The following SP3 variants were observed in gnomAD, a reference collection of about 807,000 sequenced individuals.
The protein encoded by SP3 is transcription factor Sp3.
A neutral mutation model predicts 70.3 loss-of-function variants in SP3; 10 were observed. The observed-to-expected ratio is 0.14, with a 90% CI of 0.09 to 0.24. The LOEUF is 0.24. Ranked by LOEUF, SP3 falls within the 10% of genes least tolerant of loss-of-function variation. The pLI, the probability that SP3 is intolerant of heterozygous loss-of-function variation, is 1.00. For synonymous variants in SP3, 402 were observed against 333.5 expected (o/e 1.21, Z -2.24); for missense variants, 825 against 914.6 (o/e 0.90, Z 1.26).
intron 4 of SP3, among the ~76,000 whole-genome samples, chr2:173,940,013 A>ATAG (rs1345514859): frequency 6.6e-6 from 1 of 151,934 alleles, no homozygotes; most frequent in African/African-American, 2.4e-5. Context: ...AGACAGGACT[A>ATAG]TGGGCACACA....
chr2:173,933,657 T>C (rs921219001), intron 4 of SP3, among the ~76,000 whole-genome samples: 2 of 141,924 alleles, frequency 1.4e-5, no homozygotes, highest in Admixed American at 1.4e-4. Flanking sequence ...TATATATATA[T>C]ATATATATAT....
rs764298714 is a variant in SP3 at position 173,955,397 on chromosome 2, T to A, written c.1115A>T (p.Tyr372Phe). ...CTCTTCAGAAACAGGCGACTGGATA[T>A]AATTTCCCTGAAGATCTGAAGAATG... ...QVHSSDLQGN[Y>F]IQSPVSEETQ... Residue 372 changes from tyrosine (Y) to phenylalanine (F), a missense_variant, in exon 4 of 7, where the codon TAT becomes TTT. This residue lies in a region of SP3 where 678 missense variants were observed against 651.6 expected (regional missense o/e 1.04). Transcript: ENST00000310015. 5.0e-6 allele frequency: 8 copies of A among 1,614,096 alleles called. No individual in the cohort carries two copies. In the Admixed American group the frequency reaches 1.3e-4, roughly 27 times the overall value.
chr2:173,929,311 C>G (rs1690003803), intron 4 of SP3, among the ~76,000 whole-genome samples: 1 of 152,164 alleles, frequency 6.6e-6, no homozygotes, highest in African/African-American at 2.4e-5. Flanking sequence ...AATATTTATT[C>G]TTCCCACATG....
At chr2:173,947,562 G>A (rs1278655877) in intron 4 of SP3, among the ~76,000 whole-genome samples, 1 of 152,052 alleles carries the variant, frequency 6.6e-6, no homozygotes, top group Non-Finnish European at 1.5e-5. Flanking sequence ...TTGTTTTTCC[G>A]TATTTATTGT....
At chr2:173,938,192 C>CAA (rs1344384292) in intron 4 of SP3, among the ~76,000 whole-genome samples, 4 of 152,194 alleles carry the variant, frequency 2.6e-5, no homozygotes, top group Admixed American at 1.3e-4. Context: ...CACATCTGAA[C>CAA]AAAGTTATAA....
chr2:173,934,058 C>T (rs889428015), intron 4 of SP3, among the ~76,000 whole-genome samples: 2 of 151,664 alleles, frequency 1.3e-5, no homozygotes, highest in African/African-American at 4.8e-5. Context: ...ATAGTGAGAC[C>T]CCATCATTAC....
intron 4 of SP3, among the ~76,000 whole-genome samples, chr2:173,923,489 C>T (rs1689817274): frequency 6.6e-6 from 1 of 152,046 alleles, no homozygotes; most frequent in Non-Finnish European, 1.5e-5. Context: ...TCCTAAATAC[C>T]TCTTCCTAAA....
rs1689345950 is a variant in SP3 at position 173,907,033 on chromosome 2, C to CT, written c.*2907dup. On this transcript the variant is annotated 3_prime_UTR_variant, in exon 7 of 7. Transcript: ENST00000310015. Reference sequence around the variant, plus strand: ...AAGACCAAAGTTATTTACAGGGCATCTGACTTTCTGCGGTAGGTGTAGCTC... The same window carrying CT: ...AAGACCAAAGTTATTTACAGGGCATCTTGACTTTCTGCGGTAGGTGTAGCTC... 6.6e-6 allele frequency: 1 copy of CT among 152,186 alleles called. No homozygotes were observed. The highest frequency in any genetic ancestry group is 1.5e-5 in the Non-Finnish European group (1 of 68,018). 9.4% of individuals were successfully genotyped at this position (152,186 alleles called of 1,614,324 possible).
At chr2:173,948,730 G>C (rs7558325) in intron 4 of SP3, among the ~76,000 whole-genome samples, 1 of 151,764 alleles carries the variant, frequency 6.6e-6, no homozygotes, top group South Asian at 2.1e-4. Context: ...TATTACTTTT[G>C]TAAGCAAATC....
At position 173,909,083 on chromosome 2, in the gene SP3, G is replaced by C. The variant is rs762926431; in HGVS notation, c.*858C>G. ...AAGGCCCTGGGAGACATGGTTTTTG[G>C]AAACAAGATTGGATAAAAATCACTG... On this transcript the variant is annotated 3_prime_UTR_variant, in exon 7 of 7. Coordinates refer to ENST00000310015, the MANE Select transcript of SP3 (RefSeq NM_003111.5). The C allele has an allele frequency of 6.6e-6, 1 of 152,464 alleles. No homozygotes were observed. Among genetic ancestry groups the C allele is most frequent in the South Asian group, 2.1e-4 (1 of 4,832 alleles). The allele number at this position is 152,464 out of a possible 1,614,324, so 9.4% of individuals were successfully genotyped here.
chr2:173,953,134 G>A (rs901051052), intron 4 of SP3, among the ~76,000 whole-genome samples: 12 of 152,164 alleles, frequency 7.9e-5, no homozygotes, highest in African/African-American at 1.9e-4. Context: ...CTGGTTCATC[G>A]AGGTCATTCT....
intron 4 of SP3, among the ~76,000 whole-genome samples, chr2:173,941,849 TTC>T (rs1272475939): frequency 6.6e-6 from 1 of 152,240 alleles, no homozygotes; most frequent in African/African-American, 2.4e-5. Flanking sequence ...GCAGTGTCAT[TTC>T]TGTTACAGTC....
chr2:173,933,116 G>A (rs1690110727), intron 4 of SP3, among the ~76,000 whole-genome samples: 1 of 152,156 alleles, frequency 6.6e-6, no homozygotes, highest in Non-Finnish European at 1.5e-5. Flanking sequence ...TTGCTCAAAT[G>A]CGAGGTTGCC....
At chr2:173,926,942 C>T (rs2105467851) in intron 4 of SP3, among the ~76,000 whole-genome samples, 1 of 152,260 alleles carries the variant, frequency 6.6e-6, no homozygotes, top group East Asian at 1.9e-4. Context: ...TTAATTGGCT[C>T]ATGGTTCTGC....
chr2:173,920,455 T>G (rs192577596), intron 4 of SP3, among the ~76,000 whole-genome samples: 2 of 152,216 alleles, frequency 1.3e-5, no homozygotes, highest in Admixed American at 6.5e-5. Flanking sequence ...TCAAGCAAAT[T>G]CATCAACTGT....
chr2:173,954,849 G>T, intron 4 of SP3, 24 bp downstream of exon 4: 1 of 1,596,706 alleles, frequency 6.3e-7, no homozygotes, highest in Non-Finnish European at 8.6e-7. Context: ...ACTTATTTAT[G>T]GCATGACATA....
chr2:173,925,466 A>G (rs1368752366), intron 4 of SP3, among the ~76,000 whole-genome samples: 3 of 152,224 alleles, frequency 2.0e-5, no homozygotes, highest in African/African-American at 4.8e-5. Flanking sequence ...TCAATTTTGC[A>G]AGATGAAAAA....
chr2:173,957,879 A>C (rs1471224976), intron 3 of SP3, among the ~76,000 whole-genome samples: 1 of 152,156 alleles, frequency 6.6e-6, no homozygotes, highest in Non-Finnish European at 1.5e-5. Flanking sequence ...TTACTAAACA[A>C]TTTTAAAATG....
At chr2:173,943,718 A>G (rs948115338) in intron 4 of SP3, among the ~76,000 whole-genome samples, 9 of 152,202 alleles carry the variant, frequency 5.9e-5, no homozygotes, top group Non-Finnish European at 1.3e-4. Context: ...GATTCATGAG[A>G]AGAGGGACTT....
Sources: gnomAD v4.1 joint callset for allele counts (sites outside exome capture counted in the v4.1 genomes callset) on GRCh38, gnomAD v4.1.1 for gene constraint, gnomAD v4.1.1 regional missense constraint, MANE v1.5 for transcripts, NCBI Gene and HGNC (gene_info 2026-07-23, HGNC 2026-07-21) for gene names.